Variants in ACAT2 observed in about 807,000 individuals in gnomAD.
ACAT2 encodes acetyl-CoA acetyltransferase, cytosolic.
Under a neutral mutation model 37.1 loss-of-function variants are expected in ACAT2, and 26 were observed. The observed-to-expected ratio is 0.70, with a 90% confidence interval of 0.51 to 0.97. The LOEUF is 0.97. ACAT2 is among the 50% of genes least tolerant of loss of function. The pLI is 0.00. For synonymous variants in ACAT2, 156 were observed against 163.6 expected, an observed-to-expected ratio of 0.95 and a Z score of 0.35; for missense variants, 468 against 489.0, an observed-to-expected ratio of 0.96 and a Z score of 0.40.
At chr6:159,777,677 T>C (rs149694037) in intron 7 of ACAT2, among the ~76,000 whole-genome samples, 1 of 152,312 alleles carries the variant, frequency 6.6e-6, no homozygotes, top group African/African-American at 2.4e-5. Flanking sequence ...ATATTCCTCC[T>C]GCCTTAGCCT....
At chr6:159,778,433 A>T in intron 8 of ACAT2, 153 bp downstream of exon 8, 1 of 496,576 alleles carries the variant, frequency 2.0e-6, no homozygotes, top group Non-Finnish European at 3.2e-6. Context: ...TTAAAAAAAA[A>T]AAAAAAAAAA....
At chr6:159,770,953 T>A (rs1188671059) in intron 4 of ACAT2, among the ~76,000 whole-genome samples, 9 of 152,076 alleles carry the variant, frequency 5.9e-5, no homozygotes, top group Admixed American at 4.6e-4. Context: ...TAATCCCAAC[T>A]ACTTGGGAGG....
At chr6:159,763,765 G>A (rs1469293987) in intron 2 of ACAT2, among the ~76,000 whole-genome samples, 1 of 142,578 alleles carries the variant, frequency 7.0e-6, no homozygotes, top group African/African-American at 2.6e-5. Context: ...TCAGCCTCCC[G>A]AGTAGCTGGG....
Position 159,776,279 on chromosome 6 carries a change from T to C in ACAT2, c.757+7T>C. On this transcript the variant is annotated splice_region_variant and intron_variant, in intron 6 of 8. Transcript: ENST00000367048. ...ACCCCAGCCAATGCTTCAGGTTAGA[T>C]TTTCTGAAGGACATCTGGGGGAATA... 3.7e-6 allele frequency: 6 copies of C among 1,613,410 alleles called. No homozygotes were observed. Among genetic ancestry groups the C allele is most frequent in the Non-Finnish European group, 5.1e-6 (6 of 1,179,784 alleles).
At chr6:159,777,234 AAAG>A (rs1437313666) in intron 6 of ACAT2, 65 bp from the exon 7 acceptor site, 2 of 1,529,086 alleles carry the variant, frequency 1.3e-6, no homozygotes, top group Non-Finnish European at 1.8e-6. Context: ...TTCAGGTGGT[AAAG>A]AAGCCACAGA....
In ACAT2 at chr6:159,778,223, A is replaced by G; in HGVS notation, c.966A>G (p.Glu322=). 6.2e-7 allele frequency: 1 copy of G among 1,612,776 alleles called. No homozygotes were observed. Among genetic ancestry groups the G allele is most frequent in the Non-Finnish European group, 8.5e-7 (1 of 1,179,802 alleles). The part of the protein sequence containing the change: ...LEDVDIFEIN[E]AFAAVSAAIV... ...ATGTTGACATATTTGAAATCAATGA[A>G]GCCTTTGCAGCTGTCTCTGCTGCAA... Residue 322 remains glutamate, a synonymous_variant, in exon 8 of 9, where the codon GAA becomes GAG. Transcript: ENST00000367048.
intron 6 of ACAT2, among the ~76,000 whole-genome samples, chr6:159,776,646 T>TAC (rs1429265914): frequency 6.6e-6 from 1 of 152,224 alleles, no homozygotes; most frequent in Non-Finnish European, 1.5e-5. Flanking sequence ...CAACTAGACA[T>TAC]ACAAATGAAG....
At position 159,777,363 on chromosome 6, in the gene ACAT2, G is replaced by A. The variant is rs3465; in HGVS notation, c.819G>A (p.Gly273=). ...LMKKSEADKR[G]LTPLARIVSW... Reference sequence around the variant, plus strand: ...AGAAGTCAGAAGCTGATAAACGTGGGCTTACACCTTTAGCACGGATAGTTT... The same window carrying A: ...AGAAGTCAGAAGCTGATAAACGTGGACTTACACCTTTAGCACGGATAGTTT... The change falls in exon 7 of 9, where the codon GGG becomes GGA. Residue 273 remains glycine, a synonymous_variant. Transcript: ENST00000367048. 597,924 of 1,613,736 alleles carry A rather than the reference G, an allele frequency of 0.37. 114,987 individuals are homozygous for A. Among genetic ancestry groups the A allele is most frequent in the Non-Finnish European group, 0.4 (473,257 of 1,179,812 alleles).
chr6:159,763,188 T>A (rs1780186165), intron 2 of ACAT2, 135 bp downstream of exon 2: 1 of 1,226,298 alleles, frequency 8.2e-7, no homozygotes. Context: ...TTGCTCAGAG[T>A]TCCCTCTGTT....
At chr6:159,772,157 G>A (rs1035267034) in intron 4 of ACAT2, among the ~76,000 whole-genome samples, 6 of 151,980 alleles carry the variant, frequency 3.9e-5, no homozygotes, top group Non-Finnish European at 7.4e-5. Context: ...CCTAAGAGGC[G>A]GAGGTTGCAG....
intron 4 of ACAT2, 120 bp downstream of exon 4, chr6:159,768,748 C>G (rs1293915228): frequency 5.3e-6 from 3 of 564,834 alleles, no homozygotes; most frequent in Admixed American, 5.8e-5. Flanking sequence ...ATTTTTATAT[C>G]TCTTCTTTGA....
At chr6:159,765,814 T>C (rs553620997) in intron 2 of ACAT2, among the ~76,000 whole-genome samples, 1 of 152,186 alleles carries the variant, frequency 6.6e-6, no homozygotes, top group Non-Finnish European at 1.5e-5. Flanking sequence ...ACCTTACCCG[T>C]TTTTAGTTTC....
intron 8 of ACAT2, 142 bp downstream of exon 8, chr6:159,778,422 TTTAAAAAAAAAAAAA>T (rs1161655385): frequency 2.3e-5 from 10 of 437,370 alleles, no homozygotes; most frequent in Admixed American, 9.1e-5. Context: ...CTTCCCAAGG[TTTAAAAAAAAAAAAA>T]AAAAAAAAAA....
intron 7 of ACAT2, 81 bp from the exon 8 acceptor site, chr6:159,778,089 A>T (rs898967823): frequency 1.1e-6 from 1 of 891,884 alleles, no homozygotes; most frequent in Admixed American, 2.2e-5. Context: ...CATGCAGCAT[A>T]TATTTATGTT....
rs1225677955 is a variant in ACAT2 at position 159,778,542 on chromosome 6, G to A, written c.1024-117G>A. 3 of 1,169,864 alleles carry A rather than the reference G, an allele frequency of 2.6e-6. No homozygotes were observed. In the African/African-American group the frequency reaches 4.7e-5, roughly 18 times the overall value. The allele number at this position is 1,169,864 out of a possible 1,614,324, so 72.5% of individuals were successfully genotyped here. A position where few individuals can be genotyped will look rare whatever the true frequency, so the allele number is the denominator to read the frequency against. On this transcript the variant is annotated intron_variant, in intron 8 of 8. Coordinates refer to ENST00000367048, the MANE Select transcript of ACAT2 (RefSeq NM_005891.3). ...AAATTTATTCCTAAGCAGTTAAAAT[G>A]AAAATTTGAGTTTGAAAGGGTAGCA...
rs921128658 is a variant in ACAT2, at chr6:159,778,271, C to T, written c.1014C>T (p.Asn338=). Residue 338 remains asparagine (N), a synonymous_variant, in exon 8 of 9, where the codon AAC becomes AAT. Transcript: ENST00000367048. Reference sequence around the variant, plus strand: ...CAATAGTTAAAGAACTTGGATTAAACCCAGAGAAGGTAAAGATGCACAAGT... The same window carrying T: ...CAATAGTTAAAGAACTTGGATTAAATCCAGAGAAGGTAAAGATGCACAAGT... ...SAAIVKELGL[N]PEKVNIEGGA... is the part of the protein sequence containing the mutation. The T allele has an allele frequency of 1.2e-6, 2 of 1,603,340 alleles. No individual in the cohort carries two copies. Among genetic ancestry groups the T allele is most frequent in the Non-Finnish European group, 1.7e-6 (2 of 1,175,332 alleles).
At chr6:159,773,968 C>G (rs1214246637) in intron 4 of ACAT2, among the ~76,000 whole-genome samples, 1 of 151,896 alleles carries the variant, frequency 6.6e-6, no homozygotes, top group Non-Finnish European at 1.5e-5. Context: ...TTGGATAATC[C>G]AAAAAGAACC....
At chr6:159,772,369 A>G (rs994474055) in intron 4 of ACAT2, among the ~76,000 whole-genome samples, 2 of 152,226 alleles carry the variant, frequency 1.3e-5, no homozygotes, top group Admixed American at 6.5e-5. Flanking sequence ...AAACAAGACA[A>G]TGTGGTTTTG....
At chr6:159,767,388 A>G (rs1039498084) in intron 3 of ACAT2, among the ~76,000 whole-genome samples, 1 of 152,224 alleles carries the variant, frequency 6.6e-6, no homozygotes, top group African/African-American at 2.4e-5. Flanking sequence ...AAGTTTATCA[A>G]CCAGTGTGAT....
Sources: allele counts gnomAD v4.1 joint callset (sites outside exome capture counted in the v4.1 genomes callset), GRCh38; gene constraint gnomAD v4.1.1; transcripts MANE v1.5; gene names NCBI Gene and HGNC (gene_info 2026-07-23, HGNC 2026-07-21).